RAET1G: variants seen among roughly 807,000 people sequenced by gnomAD.
RAET1G encodes the protein UL-16 binding protein 5.
Under a neutral mutation model 29.5 loss-of-function variants are expected in RAET1G, and 25 were observed. The observed-to-expected ratio is 0.85, with a 90% CI of 0.62 to 1.18. The LOEUF is 1.18. Ranked by LOEUF, RAET1G falls within the 50% of genes most tolerant of loss-of-function variation. The pLI is 0.00. For synonymous variants in RAET1G, 167 were observed against 159.5 expected, an observed-to-expected ratio of 1.05 and a Z score of -0.36; for missense variants, 434 against 423.6, an observed-to-expected ratio of 1.02 and a Z score of -0.22.
intron 1 of RAET1G, among the ~76,000 whole-genome samples, chr6:149,922,681 C>T (rs955455110): frequency 2.6e-5 from 4 of 152,188 alleles, no homozygotes; most frequent in Non-Finnish European, 4.4e-5. Context: ...CTCTGCAGCC[C>T]TCTGGCCCCT....
intron 1 of RAET1G, 101 bp from the exon 2 acceptor site, chr6:149,919,917 C>G (rs1457770947): frequency 5.6e-6 from 9 of 1,605,454 alleles, no homozygotes; most frequent in Non-Finnish European, 5.9e-6. Flanking sequence ...GAGGGCTGGG[C>G]TGGCCCAGCA....
Position 149,919,096 on chromosome 6 carries a change from C to G in RAET1G, c.578G>C (p.Trp193Ser). 1.2e-6 allele frequency: 2 copies of G among 1,614,208 alleles called. No individual in the cohort carries two copies. The highest frequency in any genetic ancestry group is 1.7e-6 in the Non-Finnish European group (2 of 1,180,042). ...CATGCCCATCAAGAAGTCCTCAAGCCATCCTGTGCAGTCTCCCATTGAGAT... is the reference window on the plus strand; with the variant it reads ...CATGCCCATCAAGAAGTCCTCAAGCGATCCTGTGCAGTCTCCCATTGAGAT... ...HYISMGDCTG[W>S]LEDFLMGMDS... is the part of the protein sequence containing the mutation. The change falls in exon 3 of 5, where the codon TGG becomes TCG. Residue 193 changes from tryptophan to serine, a missense_variant. Trp to Ser is a radical substitution (Grantham distance 177). Coordinates refer to ENST00000367360, the MANE Select transcript of RAET1G (RefSeq NM_001001788.4).
At chr6:149,918,620 T>A in intron 3 of RAET1G, 1 of 624,450 alleles carries the variant, frequency 1.6e-6, no homozygotes, top group African/African-American at 1.8e-5. Context: ...ACCCTCCTGC[T>A]GTGGCGGAAG....
chr6:149,919,263 T>G lies in RAET1G; in HGVS notation c.411A>C (p.Gly137=). The G allele has an allele frequency of 6.2e-7, 1 of 1,614,238 alleles. No individual in the cohort carries two copies. The highest frequency in any genetic ancestry group is 8.5e-7 in the Non-Finnish European group (1 of 1,180,042). The change falls in exon 3 of 5, where the codon GGA becomes GGC. Residue 137 remains glycine (G), a synonymous_variant. Transcript: ENST00000367360. Reference sequence around the variant, plus strand: ...GTCCATCGAAACTGAGCTGCCAAGATCCACTGCCGTGTCCTTCGGCTTTCT... The same window carrying G: ...GTCCATCGAAACTGAGCTGCCAAGAGCCACTGCCGTGTCCTTCGGCTTTCT... The part of the protein sequence containing the change: ...CEQKAEGHGS[G]SWQLSFDGQI...
chr6:149,919,126 T>C lies in RAET1G; in HGVS notation c.548A>G (p.His183Arg). The change falls in exon 3 of 5, where the codon CAT becomes CGT. Residue 183 changes from histidine to arginine, a missense_variant. By Grantham distance (29) the His-to-Arg change is conservative. Transcript: ENST00000367360. ...TGTGCAGTCTCCCATTGAGATGTAA[T>C]GGAAGGACATGGTCATATCCTTGTC... ...ENDKDMTMSF[H>R]YISMGDCTGW... is the part of the protein sequence containing the mutation. 6.2e-7 allele frequency: 1 copy of C among 1,614,224 alleles called. No individual in the cohort carries two copies. The highest frequency in any genetic ancestry group is 8.5e-7 in the Non-Finnish European group (1 of 1,180,038).
At chr6:149,919,371 G>A in intron 2 of RAET1G, 47 bp from the exon 3 acceptor site, 1 of 1,598,174 alleles carries the variant, frequency 6.3e-7, no homozygotes, top group South Asian at 1.1e-5. Flanking sequence ...CAGATATTGA[G>A]CCCCCATCCT....
At position 149,922,671 on chromosome 6, in the gene RAET1G, C is replaced by T. The variant is rs369775858; in HGVS notation, c.85+255G>A. On this transcript the variant is annotated intron_variant, in intron 1 of 4. Coordinates refer to ENST00000367360, the MANE Select transcript of RAET1G (RefSeq NM_001001788.4). ...CTAGGGATCCCCGCTCCACGTCGCC[C>T]TCTGCAGCCCTCTGGCCCCTCCACT... Among the ~76,000 whole-genome samples, 1,231 of 152,298 alleles carry T rather than the reference C, an allele frequency of 8.1e-3. 34 individuals carry two copies. In the South Asian group the frequency reaches 0.11, roughly 14 times the overall value.
In RAET1G at chr6:149,919,157, C is replaced by G; in HGVS notation, c.517G>C (p.Glu173Gln). ...PGARKMKEKWENDKDMTMSFH... is the reference protein window; with the variant it reads ...PGARKMKEKWQNDKDMTMSFH... ...GACATGGTCATATCCTTGTCATTCT[C>G]CCACTTTTCTTTCATCTTTCTGGCT... The change falls in exon 3 of 5, where the codon GAG (glutamate) becomes CAG (glutamine). Residue 173 changes from glutamate to glutamine, a missense_variant. Coordinates refer to ENST00000367360, the MANE Select transcript of RAET1G (RefSeq NM_001001788.4). 6.2e-7 allele frequency: 1 copy of G among 1,614,180 alleles called. No homozygotes were observed. The highest frequency in any genetic ancestry group is 8.5e-7 in the Non-Finnish European group (1 of 1,180,028).
At chr6:149,922,882 C>A in intron 1 of RAET1G, 44 bp downstream of exon 1, 1 of 1,427,314 alleles carries the variant, frequency 7.0e-7, no homozygotes, top group Non-Finnish European at 9.7e-7. Flanking sequence ...CACAGCCCCC[C>A]ACGGTTGGCC....
intron 1 of RAET1G, among the ~76,000 whole-genome samples, chr6:149,920,780 C>T (rs1288875938): frequency 6.6e-6 from 1 of 152,096 alleles, no homozygotes; most frequent in Non-Finnish European, 1.5e-5. Flanking sequence ...AAAGCTATGC[C>T]CATGGCTCAT....
chr6:149,919,540 A>T lies in RAET1G; in HGVS notation c.349+13T>A, dbSNP rs779933526. 1.2e-6 allele frequency: 2 copies of T among 1,614,014 alleles called. No homozygotes were observed. The highest frequency in any genetic ancestry group is 1.7e-6 in the Non-Finnish European group (2 of 1,179,866). ...TATCTGCTCCCTGCTGTCCTGGGCC[A>T]TCTGAAACTTACCCTTGGGTATGTA... is the stretch of plus-strand genomic sequence containing the variant. On this transcript the variant is annotated intron_variant, in intron 2 of 4. Transcript: ENST00000367360.
intron 1 of RAET1G, among the ~76,000 whole-genome samples, chr6:149,921,531 G>A (rs1374894897): frequency 6.6e-6 from 1 of 152,190 alleles, no homozygotes; most frequent in East Asian, 1.9e-4. Flanking sequence ...GTTCTCCTGG[G>A]ATGGGCAGAA....
Position 149,917,065 on chromosome 6 carries a change from T to C in RAET1G, c.852A>G (p.Ile284Met). Residue 284 changes from isoleucine (I) to methionine (M), a missense_variant, in exon 5 of 5, where the codon ATA (isoleucine) becomes ATG (methionine). Ile to Met is a conservative substitution (Grantham distance 10). Coordinates refer to ENST00000367360, the MANE Select transcript of RAET1G (RefSeq NM_001001788.4). ...RRVLWSDSYQ[I>M]AKRPLSGGHV... ...GTCCACCAGACAAGGGGCGCTTCGC[T>C]ATTTGGTAGCTGAGGCGGAGAGAGA... The C allele has an allele frequency of 1.3e-6, 2 of 1,546,416 alleles. No individual in the cohort carries two copies. The highest frequency in any genetic ancestry group is 1.7e-6 in the Non-Finnish European group (2 of 1,144,846).
rs758157152 is a variant in RAET1G at position 149,918,338 on chromosome 6, G to A, written c.678C>T (p.Ala226=). ...SSGTAQPRAT[A]TTLILCCLLI... ...GGAGGCAGCAAAGGATGAGGGTGGTGGCCGTGGCCCTGGGTTGGGCTGTGC... is the reference window on the plus strand; with the variant it reads ...GGAGGCAGCAAAGGATGAGGGTGGTAGCCGTGGCCCTGGGTTGGGCTGTGC... The change falls in exon 4 of 5, where the codon GCC becomes GCT. Residue 226 remains alanine, a synonymous_variant. Transcript: ENST00000367360. The A allele has an allele frequency of 2.5e-6, 4 of 1,614,006 alleles. No homozygotes were observed. The highest frequency in any genetic ancestry group is 1.7e-5 in the Admixed American group (1 of 60,002).
At chr6:149,921,667 G>A (rs527709582) in intron 1 of RAET1G, among the ~76,000 whole-genome samples, 11 of 152,056 alleles carry the variant, frequency 7.2e-5, no homozygotes, top group Non-Finnish European at 1.2e-4. Flanking sequence ...GATGGCCCCC[G>A]TGGACCATAG....
At chr6:149,919,020 C>T (rs1237176692) in intron 3 of RAET1G, 23 bp downstream of exon 3, 1 of 1,612,188 alleles carries the variant, frequency 6.2e-7, no homozygotes, top group Non-Finnish European at 8.5e-7. Context: ...ATTGGAGATC[C>T]CCATTTCTTT....
chr6:149,922,563 C>T (rs1778619693), intron 1 of RAET1G, among the ~76,000 whole-genome samples: 1 of 152,116 alleles, frequency 6.6e-6, no homozygotes, highest in African/African-American at 2.4e-5. Flanking sequence ...TGCAACCCCA[C>T]TTCACCCCTG....
Position 149,922,941 on chromosome 6 carries a change from T to C in RAET1G, c.70A>G (p.Arg24Gly). Reference sequence around the variant, plus strand: ...CCGAACTCACCGGCCAGCCCGGTCCTGCACCAGCTGGACAGCAGGAGCAGA... The same window carrying C: ...CCGAACTCACCGGCCAGCCCGGTCCCGCACCAGCTGGACAGCAGGAGCAGA... The part of the protein sequence containing the change: ...PLLLLLSSWC[R>G]TGLADPHSLC... Residue 24 changes from arginine to glycine, a missense_variant, in exon 1 of 5, where the codon AGG (arginine) becomes GGG (glycine). Transcript: ENST00000367360. 6.3e-7 allele frequency: 1 copy of C among 1,598,622 alleles called. No homozygotes were observed. Among genetic ancestry groups the C allele is most frequent in the Non-Finnish European group, 8.5e-7 (1 of 1,173,520 alleles).
intron 1 of RAET1G, among the ~76,000 whole-genome samples, chr6:149,921,917 A>C (rs568633528): frequency 2.0e-4 from 30 of 149,920 alleles, no homozygotes; most frequent in African/African-American, 6.9e-4. Flanking sequence ...GGTCCCCCCT[A>C]TTTGAAGGTT....
Sources: allele counts gnomAD v4.1 joint callset (sites outside exome capture counted in the v4.1 genomes callset), GRCh38; gene constraint gnomAD v4.1.1; transcripts MANE v1.5; gene names NCBI Gene and HGNC (gene_info 2026-07-23, HGNC 2026-07-21).